TLK1: variants seen among roughly 807,000 people sequenced by gnomAD.
TLK1 encodes the protein serine/threonine-protein kinase tousled-like 1.
In TLK1, 24 loss-of-function variants were observed where a neutral mutation model predicts 105.3. The ratio of observed to expected loss-of-function variants is 0.23; its 90% CI spans 0.17 to 0.32. The LOEUF (loss-of-function observed/expected upper bound fraction) is 0.32. TLK1 is among the 10% of genes least tolerant of loss of function. TLK1 has a pLI of 1.00. For missense variants in TLK1, 558 were observed against 910.5 expected (o/e 0.61, Z 4.98); for synonymous variants, 321 against 310.4 (o/e 1.03, Z -0.36).
At chr2:171,104,392 T>A (rs1689827334) in intron 2 of TLK1, among the ~76,000 whole-genome samples, 1 of 150,234 alleles carries the variant, frequency 6.7e-6, no homozygotes, top group African/African-American at 2.5e-5. Flanking sequence ...TATAAAACAC[T>A]GAAGAAAAAA....
At chr2:171,161,555 G>A (rs112864092), upstream of TLK1, among the ~76,000 whole-genome samples, 67 of 152,256 alleles carry the variant, frequency 4.4e-4, no homozygotes, top group African/African-American at 1.6e-3. Flanking sequence ...TCTTTAATGA[G>A]GAAATTGAAA....
intron 1 of TLK1, among the ~76,000 whole-genome samples, chr2:171,126,872 A>C (rs1410247443): frequency 6.6e-6 from 1 of 151,866 alleles, no homozygotes; most frequent in East Asian, 1.9e-4. Flanking sequence ...TTTTATTAAA[A>C]ATAAACACTA....
intron 10 of TLK1, among the ~76,000 whole-genome samples, chr2:171,049,367 A>G (rs558019488): frequency 2.6e-5 from 4 of 152,354 alleles, no homozygotes; most frequent in African/African-American, 7.2e-5. Flanking sequence ...TAAATCAGTT[A>G]TTATATCTGA....
At chr2:171,139,905 A>G (rs1255961379) in intron 1 of TLK1, among the ~76,000 whole-genome samples, 2 of 152,276 alleles carry the variant, frequency 1.3e-5, no homozygotes, top group Admixed American at 6.5e-5. Flanking sequence ...TCTCATAAGG[A>G]GCAAGCGACC....
chr2:171,103,119 A>T (rs1054661097), intron 2 of TLK1, among the ~76,000 whole-genome samples: 1 of 152,044 alleles, frequency 6.6e-6, no homozygotes, highest in Non-Finnish European at 1.5e-5. Context: ...GGCAGTTGTT[A>T]GCCTAACACT....
chr2:171,161,023 A>G (rs1168001878), upstream of TLK1: 5 of 62,738 alleles, frequency 8.0e-5, no homozygotes, highest in Non-Finnish European at 1.3e-4. Flanking sequence ...TGGGGGAGGG[A>G]CCTGCCAGGG....
At chr2:171,211,149 T>G (rs1286291004) in intron 1 of TLK1, among the ~76,000 whole-genome samples, 1 of 152,208 alleles carries the variant, frequency 6.6e-6, no homozygotes, top group Non-Finnish European at 1.5e-5. Context: ...AGACAGATGC[T>G]CAACAATTCA....
At chr2:171,153,224 AG>A (rs1173290355) in intron 1 of TLK1, among the ~76,000 whole-genome samples, 2 of 152,230 alleles carry the variant, frequency 1.3e-5, no homozygotes, top group African/African-American at 4.8e-5. Flanking sequence ...CACACTGGTA[AG>A]TCACTTTACT....
intron 2 of TLK1, among the ~76,000 whole-genome samples, chr2:171,111,409 A>G (rs1004263440): frequency 6.6e-6 from 1 of 152,026 alleles, no homozygotes; most frequent in Non-Finnish European, 1.5e-5. Context: ...GGTCTCCACA[A>G]AAAAAGTCCA....
chr2:171,164,849 G>A (rs1314187866), upstream of TLK1, among the ~76,000 whole-genome samples: 3 of 151,860 alleles, frequency 2.0e-5, no homozygotes, highest in Non-Finnish European at 4.4e-5. Context: ...GACTGGGCAC[G>A]GTGCCTCACG....
At chr2:171,031,931 A>T (rs1686065065) in intron 11 of TLK1, among the ~76,000 whole-genome samples, 1 of 152,128 alleles carries the variant, frequency 6.6e-6, no homozygotes, top group Admixed American at 6.6e-5. Context: ...GAGGCACTTA[A>T]ACAAAAATTA....
chr2:171,044,693 A>G (rs1414745964), intron 11 of TLK1, among the ~76,000 whole-genome samples: 2 of 152,230 alleles, frequency 1.3e-5, no homozygotes, highest in Non-Finnish European at 2.9e-5. Flanking sequence ...CATATCCCTA[A>G]AAGTCATCTA....
intron 1 of TLK1, among the ~76,000 whole-genome samples, chr2:171,132,184 C>T (rs1273797135): frequency 6.6e-6 from 1 of 152,132 alleles, no homozygotes. Flanking sequence ...GCCAAAGGCA[C>T]CTCTTCACAG....
chr2:171,118,875 T>A (rs766411707), intron 1 of TLK1, among the ~76,000 whole-genome samples: 1 of 152,168 alleles, frequency 6.6e-6, no homozygotes, highest in Non-Finnish European at 1.5e-5. Flanking sequence ...CCTTTCTTAC[T>A]TTTTATCCTC....
At chr2:171,033,732 A>G (rs1267314743) in intron 11 of TLK1, among the ~76,000 whole-genome samples, 1 of 150,286 alleles carries the variant, frequency 6.7e-6, no homozygotes, top group South Asian at 2.1e-4. Flanking sequence ...AAGTAGGCAA[A>G]CACCACAATT....
intron 1 of TLK1, among the ~76,000 whole-genome samples, chr2:171,204,422 G>A (rs218313): frequency 0.69 from 105,562 of 151,992 alleles, 36,984 homozygotes; most frequent in East Asian, 0.97. Context: ...AAAAATAAAG[G>A]TAGACTTAGA....
At chr2:171,146,803 T>A (rs1409374075) in intron 1 of TLK1, among the ~76,000 whole-genome samples, 1 of 152,178 alleles carries the variant, frequency 6.6e-6, no homozygotes, top group Non-Finnish European at 1.5e-5. Flanking sequence ...CACTTCTCCT[T>A]TTTAGAAAAC....
intron 1 of TLK1, among the ~76,000 whole-genome samples, chr2:171,223,481 C>CTT (rs71013025): frequency 0.012 from 1,486 of 126,844 alleles, 43 homozygotes; most frequent in African/African-American, 0.027. Context: ...GTATTTTGCA[C>CTT]TTTTTTTTTT....
intron 2 of TLK1, among the ~76,000 whole-genome samples, chr2:171,101,999 T>C (rs936614890): frequency 2.0e-5 from 3 of 152,222 alleles, no homozygotes; most frequent in African/African-American, 7.2e-5. Flanking sequence ...GGTTTCTTTC[T>C]TATTGTCTTC....
Sources: allele counts gnomAD v4.1 joint callset (sites outside exome capture counted in the v4.1 genomes callset), GRCh38; gene constraint gnomAD v4.1.1; transcripts MANE v1.5; gene names NCBI Gene and HGNC (gene_info 2026-07-23, HGNC 2026-07-21).